Variants in CD63 observed in about 807,000 individuals in gnomAD.
CD63 encodes CD63 antigen.
CD63 carries 16 observed loss-of-function variants against 29.2 expected under a neutral mutation model. The observed-to-expected ratio is 0.55, with a 90% CI of 0.37 to 0.83. The LOEUF (loss-of-function observed/expected upper bound fraction) is 0.83. CD63 is among the 40% of genes least tolerant of loss of function. CD63 has a pLI of 0.00. For synonymous variants in CD63, 118 were observed against 111.7 expected (o/e 1.06, Z -0.36); for missense variants, 251 against 297.3 (o/e 0.84, Z 1.15).
Position 55,725,816 on chromosome 12 carries a change from G to A in CD63, c.648C>T (p.Val216=), listed in dbSNP as rs373117647. ...VAAAALGIAF[V]EVLGIVFACC... is the part of the protein sequence containing the mutation. ...CCTGCTCAGGGTTATCTCTTACCTC[G>A]ACAAAAGCAATTCCAAGGGCTGCTG... is the stretch of plus-strand genomic sequence containing the variant. Residue 216 remains valine, a synonymous_variant, in exon 7 of 8, where the codon GTC becomes GTT. Coordinates refer to ENST00000257857, the MANE Select transcript of CD63 (RefSeq NM_001780.6). 29 of 1,613,722 alleles carry A rather than the reference G, an allele frequency of 1.8e-5. No individual in the cohort carries two copies. Among genetic ancestry groups the A allele is most frequent in the Admixed American group, 1.2e-4 (7 of 59,980 alleles).
In CD63 at chr12:55,725,634, G is replaced by A. The variant is rs374907334; in HGVS notation, c.652-8C>T. 3 of 1,613,568 alleles carry A rather than the reference G, an allele frequency of 1.9e-6. No individual in the cohort carries two copies. The highest frequency in any genetic ancestry group is 2.7e-5 in the African/African-American group (2 of 74,862). On this transcript the variant is annotated splice_region_variant and splice_polypyrimidine_tract_variant and intron_variant, in intron 7 of 7. Transcript: ENST00000257857. ...AAAGACAATTCCCAAAACCTAGAAG[G>A]AAAGATGGGGACAGGGGTGGAGAGG... is the stretch of plus-strand genomic sequence containing the variant.
Position 55,728,537 on chromosome 12 carries a change from G to C in CD63, c.-11-185C>G. 2.1e-6 allele frequency: 3 copies of C among 1,436,266 alleles called. No homozygotes were observed. Among genetic ancestry groups the C allele is most frequent in the Non-Finnish European group, 2.7e-6 (3 of 1,100,696 alleles). The allele number at this position is 1,436,266 out of a possible 1,614,324, so 89.0% of individuals were successfully genotyped here. A position where few individuals can be genotyped will look rare whatever the true frequency, so the allele number is the denominator to read the frequency against. On this transcript the variant is annotated intron_variant, in intron 1 of 7. Transcript: ENST00000257857. This position sits in a 1 kb window ranked among gnomAD's most constrained non-coding sequence, Gnocchi z 4.8. The stretch of plus-strand genomic sequence containing the variant: ...TTACCCGCAGGAGAGGGGTGGGGGC[G>C]ACGGCCGCGAAGCCCGGACCCCGCC...
At chr12:55,727,495 T>C (rs894007948) in intron 2 of CD63, 156 bp from the exon 3 acceptor site, 2 of 1,175,980 alleles carry the variant, frequency 1.7e-6, no homozygotes, top group African/African-American at 1.6e-5. Flanking sequence ...GGTAGGGGGA[T>C]GACCCATCCT....
In CD63 at chr12:55,728,412, G is replaced by A. The variant is rs960965318; in HGVS notation, c.-11-60C>T. ...GGCCGAAGGGGGACCTCGGTTTCCG[G>A]GCTCCCGGCCGGCCCTCGAGGGCTT... On this transcript the variant is annotated intron_variant, in intron 1 of 7. Coordinates refer to ENST00000257857, the MANE Select transcript of CD63 (RefSeq NM_001780.6). This position sits in a 1 kb window ranked among gnomAD's most constrained non-coding sequence, Gnocchi z 4.8. The A allele has an allele frequency of 3.2e-6, 5 of 1,557,226 alleles. No individual in the cohort carries two copies. In the African/African-American group the frequency reaches 6.8e-5, roughly 21 times the overall value.
chr12:55,725,464 CAT>C lies in CD63; in HGVS notation c.*95_*96del, dbSNP rs1282015195. On this transcript the variant is annotated 3_prime_UTR_variant, in exon 8 of 8. Coordinates refer to ENST00000257857, the MANE Select transcript of CD63 (RefSeq NM_001780.6). Reference sequence around the variant, plus strand: ...GCATCACTCTAAGACAAACTCAGACCATCTCTTTTCGGTCTGAAAAAATAATC... The same window carrying C: ...GCATCACTCTAAGACAAACTCAGACCCTCTTTTCGGTCTGAAAAAATAATC... 2.0e-6 allele frequency: 2 copies of C among 981,702 alleles called. No individual in the cohort carries two copies. The highest frequency in any genetic ancestry group is 3.2e-5 in the African/African-American group (2 of 62,452). 60.8% of individuals were successfully genotyped at this position (981,702 alleles called of 1,614,324 possible).
At chr12:55,729,068 A>G, upstream of CD63, 1 of 984,116 alleles carries the variant, frequency 1.0e-6, no homozygotes, top group Non-Finnish European at 1.2e-6. Context: ...GGCTCCAGCC[A>G]CGGTCCCCTC....
In CD63 at chr12:55,726,929, C is replaced by T. The variant is rs779232780; in HGVS notation, c.291G>A (p.Glu97=). The T allele has an allele frequency of 6.2e-7, 1 of 1,614,178 alleles. No individual in the cohort carries two copies. Among genetic ancestry groups the T allele is most frequent in the Non-Finnish European group, 8.5e-7 (1 of 1,180,026 alleles). The change falls in exon 4 of 8, where the codon GAG becomes GAA. Residue 97 remains glutamate (E), a synonymous_variant. Coordinates refer to ENST00000257857, the MANE Select transcript of CD63 (RefSeq NM_001780.6). Reference sequence around the variant, plus strand: ...CATAGCCAGCAATGGCTGCGGCCACCTCCACCAACATGATAAGAGACAGAA... The same window carrying T: ...CATAGCCAGCAATGGCTGCGGCCACTTCCACCAACATGATAAGAGACAGAA... ...AIFLSLIMLV[E]VAAAIAGYVF...
downstream of CD63, chr12:55,723,770 C>T (rs553883911): frequency 8.3e-6 from 10 of 1,208,344 alleles, no homozygotes; most frequent in East Asian, 9.6e-5. Flanking sequence ...TAGGCATCTC[C>T]GTCAAAACTC....
chr12:55,724,979 C>A (rs531370708), downstream of CD63, among the ~76,000 whole-genome samples: 6 of 152,216 alleles, frequency 3.9e-5, no homozygotes, highest in Non-Finnish European at 7.4e-5. Context: ...CTGGGCCAGG[C>A]TGGGTGGCTT....
In CD63 at chr12:55,728,812, G is replaced by A; in HGVS notation, c.-12+141C>T. 2 of 993,862 alleles carry A rather than the reference G, an allele frequency of 2.0e-6. No homozygotes were observed. The highest frequency in any genetic ancestry group is 1.0e-3 in the Middle Eastern group (2 of 1,932). 61.6% of individuals were successfully genotyped at this position (993,862 alleles called of 1,614,324 possible). On this transcript the variant is annotated intron_variant, in intron 1 of 7. Transcript: ENST00000257857. The surrounding 1 kb of genome is among the most constrained non-coding windows in gnomAD (Gnocchi z 4.8). Reference sequence around the variant, plus strand: ...CCGCCACACCCTGCCCGGGCCCAGGGAACTTCGAAGCAAAGTTGCTCCAGG... The same window carrying A: ...CCGCCACACCCTGCCCGGGCCCAGGAAACTTCGAAGCAAAGTTGCTCCAGG...
upstream of CD63, chr12:55,729,220 G>T: frequency 2.3e-6 from 2 of 864,688 alleles, no homozygotes; most frequent in Non-Finnish European, 2.8e-6. Flanking sequence ...GCCCACCCCC[G>T]CAAAGGGAAA....
Position 55,728,543 on chromosome 12 carries a change from C to T in CD63, c.-11-191G>A. On this transcript the variant is annotated intron_variant, in intron 1 of 7. Coordinates refer to ENST00000257857, the MANE Select transcript of CD63 (RefSeq NM_001780.6). This position sits in a 1 kb window ranked among gnomAD's most constrained non-coding sequence, Gnocchi z 4.8. ...GCAGGAGAGGGGTGGGGGCGACGGC[C>T]GCGAAGCCCGGACCCCGCCCCGCCG... is the stretch of plus-strand genomic sequence containing the variant. The T allele has an allele frequency of 7.0e-7, 1 of 1,432,004 alleles. No homozygotes were observed. The highest frequency in any genetic ancestry group is 9.1e-7 in the Non-Finnish European group (1 of 1,098,148). 88.7% of individuals were successfully genotyped at this position (1,432,004 alleles called of 1,614,324 possible).
At position 55,725,823 on chromosome 12, in the gene CD63, G is replaced by T; in HGVS notation, c.641C>A (p.Ala214Asp). 1.2e-6 allele frequency: 2 copies of T among 1,613,926 alleles called. No homozygotes were observed. The highest frequency in any genetic ancestry group is 1.7e-6 in the Non-Finnish European group (2 of 1,179,926). Residue 214 changes from alanine to aspartate, a missense_variant, in exon 7 of 8, where the codon GCT becomes GAT. Coordinates refer to ENST00000257857, the MANE Select transcript of CD63 (RefSeq NM_001780.6). ...LVVAAAALGI[A>D]FVEVLGIVFA... ...AGGGTTATCTCTTACCTCGACAAAAGCAATTCCAAGGGCTGCTGCAGCTAC... is the reference window on the plus strand; with the variant it reads ...AGGGTTATCTCTTACCTCGACAAAATCAATTCCAAGGGCTGCTGCAGCTAC...
chr12:55,724,336 C>G (rs376583199), downstream of CD63: 65 of 1,614,190 alleles, frequency 4.0e-5, no homozygotes, highest in Non-Finnish European at 5.3e-5. Flanking sequence ...GAAAATGCAA[C>G]AGCGCATCAT....
chr12:55,729,078 C>G, upstream of CD63: 1 of 985,396 alleles, frequency 1.0e-6, no homozygotes, highest in African/African-American at 1.7e-5. Context: ...ACGGTCCCCT[C>G]CCCCGCCGAG....
chr12:55,725,386 T>A lies in CD63; in HGVS notation c.*175A>T, dbSNP rs545275721. ...CCCAAAATAGACCTCGAAGTACACATGCATTAAGGTCCCAGAGGACAGGGA... is the reference window on the plus strand; with the variant it reads ...CCCAAAATAGACCTCGAAGTACACAAGCATTAAGGTCCCAGAGGACAGGGA... On this transcript the variant is annotated 3_prime_UTR_variant, in exon 8 of 8. Transcript: ENST00000257857. The A allele has an allele frequency of 1.6e-6, 1 of 629,296 alleles. No homozygotes were observed. The highest frequency in any genetic ancestry group is 2.8e-6 in the Non-Finnish European group (1 of 354,350). 39.0% of individuals were successfully genotyped at this position (629,296 alleles called of 1,614,324 possible). A position where few individuals can be genotyped will look rare whatever the true frequency, so the allele number is the denominator to read the frequency against.
At chr12:55,726,430 C>G (rs1476883523) in intron 5 of CD63, 169 bp from the exon 6 acceptor site, 3 of 677,986 alleles carry the variant, frequency 4.4e-6, no homozygotes, top group Non-Finnish European at 7.3e-6. Flanking sequence ...CTGCAACCTC[C>G]GCCTCCCGGG....
chr12:55,726,556 G>A, intron 5 of CD63, 144 bp downstream of exon 5: 1 of 708,304 alleles, frequency 1.4e-6, no homozygotes, highest in Non-Finnish European at 2.4e-6. Context: ...CGTTGGCCAG[G>A]CTAGTCTTGA....
chr12:55,728,444 A>T lies in CD63; in HGVS notation c.-11-92T>A. The stretch of plus-strand genomic sequence containing the variant: ...GGCCGGCCCTCGAGGGCTTCCCTTC[A>T]CGGCCCCGATTCCCGGCCCCTCCCA... On this transcript the variant is annotated intron_variant, in intron 1 of 7. Transcript: ENST00000257857. The surrounding 1 kb of genome is among the most constrained non-coding windows in gnomAD (Gnocchi z 4.8). 2 of 1,528,082 alleles carry T rather than the reference A, an allele frequency of 1.3e-6. No individual in the cohort carries two copies. The highest frequency in any genetic ancestry group is 8.8e-7 in the Non-Finnish European group (1 of 1,137,308). The allele number at this position is 1,528,082 out of a possible 1,614,324, so 94.7% of individuals were successfully genotyped here. A position where few individuals can be genotyped will look rare whatever the true frequency, so the allele number is the denominator to read the frequency against.
Sources: gnomAD v4.1 joint callset for allele counts (sites outside exome capture counted in the v4.1 genomes callset) on GRCh38, gnomAD v4.1.1 for gene constraint, Gnocchi (gnomAD v3.1) non-coding constraint, MANE v1.5 for transcripts, NCBI Gene and HGNC (gene_info 2026-07-23, HGNC 2026-07-21) for gene names.